Variants in PTPRM observed in about 807,000 individuals in gnomAD.
PTPRM encodes the protein receptor-type tyrosine-protein phosphatase mu.
PTPRM carries 47 observed loss-of-function variants against 186.7 expected under a neutral mutation model. The ratio of observed to expected loss-of-function variants is 0.25; its 90% confidence interval spans 0.20 to 0.32. The LOEUF (loss-of-function observed/expected upper bound fraction) is 0.32, where lower values mean the gene tolerates loss of function less well. Ranked by LOEUF, PTPRM falls within the 10% of genes least tolerant of loss-of-function variation. The probability of loss-of-function intolerance (pLI) is 1.00; values close to 1 mark genes in which losing one functional copy is unlikely to be tolerated. For missense variants in PTPRM, 1,494 were observed against 1,865.0 expected, an observed-to-expected ratio of 0.80 and a Z score of 3.66; for synonymous variants, 668 against 674.9, an observed-to-expected ratio of 0.99 and a Z score of 0.16.
chr18:8,237,431 ATTTTTTTTTTTTTTT>A (rs59073560), intron 14 of PTPRM, among the ~76,000 whole-genome samples: 1 of 71,666 alleles, frequency 1.4e-5, no homozygotes, highest in Non-Finnish European at 2.9e-5. Flanking sequence ...GATTCCCTCA[ATTTTTTTTTTTTTTT>A]TTTTTTTTTT....
intron 7 of PTPRM, among the ~76,000 whole-genome samples, chr18:7,985,529 G>T (rs1238570472): frequency 1.5e-5 from 2 of 134,440 alleles, no homozygotes; most frequent in African/African-American, 2.6e-5. Flanking sequence ...TGGTAGATAC[G>T]TATATAAATA....
intron 1 of PTPRM, among the ~76,000 whole-genome samples, chr18:7,589,804 C>T (rs544760353): frequency 1.7e-4 from 26 of 152,156 alleles, no homozygotes; most frequent in African/African-American, 6.0e-4. Context: ...CTTGCAAAAC[C>T]ATTAGTTTCC....
chr18:8,344,276 G>A (rs932632425), intron 23 of PTPRM, among the ~76,000 whole-genome samples: 1 of 151,922 alleles, frequency 6.6e-6, no homozygotes, highest in South Asian at 2.1e-4. Context: ...CAGTGAGACA[G>A]GAGCCATAAA....
chr18:7,985,835 C>T (rs997466416), intron 7 of PTPRM, among the ~76,000 whole-genome samples: 3 of 151,876 alleles, frequency 2.0e-5, no homozygotes, highest in Non-Finnish European at 4.4e-5. Context: ...AATAGTAGGT[C>T]TTATTCATTC....
At chr18:7,569,426 A>C (rs796528128) in intron 1 of PTPRM, among the ~76,000 whole-genome samples, 3 of 152,360 alleles carry the variant, frequency 2.0e-5, no homozygotes, top group African/African-American at 7.2e-5. Context: ...ACAATGATGC[A>C]CTGTCGTCTG....
intron 14 of PTPRM, among the ~76,000 whole-genome samples, chr18:8,201,776 C>T (rs1359353925): frequency 6.6e-6 from 1 of 152,096 alleles, no homozygotes; most frequent in Non-Finnish European, 1.5e-5. Context: ...CTAATTACCT[C>T]CTAGATACCC....
chr18:8,182,126 C>T (rs1334371354), intron 14 of PTPRM, among the ~76,000 whole-genome samples: 2 of 152,074 alleles, frequency 1.3e-5, no homozygotes, highest in Non-Finnish European at 2.9e-5. Flanking sequence ...AGAGAAGCAG[C>T]GTGTGAATAT....
At chr18:7,985,230 T>G (rs1416651260) in intron 7 of PTPRM, among the ~76,000 whole-genome samples, 11 of 116,062 alleles carry the variant, frequency 9.5e-5, no homozygotes, top group Non-Finnish European at 6.6e-5. Flanking sequence ...CATATAAATA[T>G]ATACATATAA....
intron 23 of PTPRM, among the ~76,000 whole-genome samples, chr18:8,369,239 A>T (rs929694540): frequency 1.1e-4 from 17 of 152,244 alleles, no homozygotes; most frequent in Non-Finnish European, 2.2e-4. Flanking sequence ...GGCCATATTT[A>T]AAAACTCGTT....
At chr18:8,366,140 C>T (rs1344557851) in intron 23 of PTPRM, among the ~76,000 whole-genome samples, 1 of 152,176 alleles carries the variant, frequency 6.6e-6, no homozygotes, top group East Asian at 1.9e-4. Context: ...GAACTGCTGA[C>T]TTCTTAGAAC....
chr18:7,828,860 A>C (rs1235321938), intron 2 of PTPRM, among the ~76,000 whole-genome samples: 1 of 152,190 alleles, frequency 6.6e-6, no homozygotes, highest in Non-Finnish European at 1.5e-5. Context: ...AAGTATGAGC[A>C]AAAAAATTTT....
intron 9 of PTPRM, among the ~76,000 whole-genome samples, 165 bp downstream of exon 9, chr18:8,076,729 G>C (rs774268799): frequency 2.6e-5 from 4 of 151,914 alleles, no homozygotes; most frequent in Admixed American, 6.6e-5. Flanking sequence ...GTAAAAATAA[G>C]TTTTTGAATT....
At chr18:8,079,981 C>CA (rs1370533761) in intron 9 of PTPRM, among the ~76,000 whole-genome samples, 2 of 151,054 alleles carry the variant, frequency 1.3e-5, no homozygotes, top group African/African-American at 4.9e-5. Flanking sequence ...AAAGACACTT[C>CA]AAAAAAAAAT....
chr18:8,024,299 G>A (rs1013155895), intron 7 of PTPRM, among the ~76,000 whole-genome samples: 5 of 151,944 alleles, frequency 3.3e-5, no homozygotes, highest in Admixed American at 1.3e-4. Context: ...ATTTCTGACA[G>A]CCATATCATT....
At chr18:8,012,405 T>G (rs1281949025) in intron 7 of PTPRM, among the ~76,000 whole-genome samples, 4 of 152,232 alleles carry the variant, frequency 2.6e-5, no homozygotes, top group Non-Finnish European at 5.9e-5. Context: ...TCCTCTGGCT[T>G]TCTTCAGCCT....
intron 30 of PTPRM, among the ~76,000 whole-genome samples, chr18:8,384,948 G>T (rs932053606): frequency 7.2e-5 from 11 of 152,236 alleles, no homozygotes; most frequent in African/African-American, 2.7e-4. Context: ...CCTGTCACAG[G>T]ACCTTGCAGT....
chr18:8,025,225 CTGGTTTCTCTCCACTTAGACCAAAG>C (rs901457267), intron 7 of PTPRM, among the ~76,000 whole-genome samples: 6 of 152,322 alleles, frequency 3.9e-5, no homozygotes, highest in Admixed American at 3.3e-4. Flanking sequence ...CCAGGCCTCT[CTGGTTTCTCTCCACTTAGACCAAAG>C]TGGTACTTTG....
intron 7 of PTPRM, among the ~76,000 whole-genome samples, chr18:7,964,395 G>A (rs1334513674): frequency 3.3e-5 from 5 of 152,198 alleles, no homozygotes; most frequent in African/African-American, 1.2e-4. Flanking sequence ...CTCAACAAAC[G>A]AGTTAACCTT....
chr18:8,363,689 G>A (rs919016769), intron 23 of PTPRM, among the ~76,000 whole-genome samples: 1 of 152,144 alleles, frequency 6.6e-6, no homozygotes, highest in Non-Finnish European at 1.5e-5. Context: ...GAATAAGATG[G>A]GGAACAAGCA....
Sources: gnomAD v4.1 joint callset for allele counts (sites outside exome capture counted in the v4.1 genomes callset) on GRCh38, gnomAD v4.1.1 for gene constraint, MANE v1.5 for transcripts, NCBI Gene and HGNC (gene_info 2026-07-23, HGNC 2026-07-21) for gene names.